The following SLC23A2 variants were observed in gnomAD, a reference collection of about 807,000 sequenced individuals.
The protein encoded by SLC23A2 is Na(+)/L-ascorbic acid transporter 2.
SLC23A2 carries 36 observed loss-of-function variants against 73.3 expected under a neutral mutation model. That is an observed-to-expected ratio of 0.49 (90% CI 0.38 to 0.65). The LOEUF (loss-of-function observed/expected upper bound fraction) is 0.65. Among genes scored for constraint, SLC23A2 ranks in the 30% least tolerant of loss-of-function variants. The pLI is 0.00. For synonymous variants in SLC23A2, 343 were observed against 327.3 expected, an observed-to-expected ratio of 1.05 and a Z score of -0.52; for missense variants, 507 against 841.6, an observed-to-expected ratio of 0.60 and a Z score of 4.92.
intron 1 of SLC23A2, among the ~76,000 whole-genome samples, chr20:4,993,548 T>C (rs2087967165): frequency 6.6e-6 from 1 of 151,458 alleles, no homozygotes; most frequent in South Asian, 2.1e-4. Context: ...AGCATCAACT[T>C]TACTCAAAGA....
intron 1 of SLC23A2, among the ~76,000 whole-genome samples, chr20:5,009,821 C>T (rs927725291): frequency 6.6e-6 from 1 of 152,110 alleles, no homozygotes; most frequent in African/African-American, 2.4e-5. Context: ...ATGGGCCAGG[C>T]GCGGTGGCTC....
chr20:4,861,784 C>T (rs142349034), intron 15 of SLC23A2, among the ~76,000 whole-genome samples, 164 bp downstream of exon 15: 25 of 152,294 alleles, frequency 1.6e-4, no homozygotes, highest in African/African-American at 5.5e-4. Flanking sequence ...GCCCACAGCG[C>T]TTCCAGGTAA....
intron 11 of SLC23A2, among the ~76,000 whole-genome samples, chr20:4,873,604 G>C (rs1300500389): frequency 6.6e-6 from 1 of 152,196 alleles, no homozygotes; most frequent in Non-Finnish European, 1.5e-5. Context: ...CTGGGACCAA[G>C]CAGCTCTATA....
At position 4,883,806 on chromosome 20, in the gene SLC23A2, G is replaced by A. The variant is rs768247956; in HGVS notation, c.660C>T (p.Ile220=). The stretch of plus-strand genomic sequence containing the variant: ...TGACTACTTCTATCAGTGAGGACAT[G>A]ATGATGGCCCCCTGGATCTGCAACA... ...PRIREIQGAI[I]MSSLIEVVIG... Residue 220 remains isoleucine (I), a synonymous_variant, in exon 9 of 17, where the codon ATC becomes ATT. Transcript: ENST00000338244. This position sits in a 1 kb window ranked among gnomAD's most constrained non-coding sequence, Gnocchi z 4.5. 1.9e-6 allele frequency: 3 copies of A among 1,610,316 alleles called. No individual in the cohort carries two copies. In the South Asian group the frequency reaches 3.3e-5, roughly 18 times the overall value.
chr20:4,892,246 A>G (rs1437861267), intron 6 of SLC23A2, among the ~76,000 whole-genome samples: 1 of 151,862 alleles, frequency 6.6e-6, no homozygotes, highest in Non-Finnish European at 1.5e-5. Flanking sequence ...TCACTGGTCT[A>G]CCTTATCTCG....
intron 4 of SLC23A2, among the ~76,000 whole-genome samples, chr20:4,908,217 C>G (rs1428642399): frequency 6.6e-6 from 1 of 152,034 alleles, no homozygotes; most frequent in African/African-American, 2.4e-5. Flanking sequence ...TTGAAAATGC[C>G]AGGAAAAACT....
At chr20:4,946,207 C>A (rs2087116825) in intron 2 of SLC23A2, among the ~76,000 whole-genome samples, 1 of 152,124 alleles carries the variant, frequency 6.6e-6, no homozygotes, top group Non-Finnish European at 1.5e-5. Context: ...GGTACCACTG[C>A]CAAGTTCCAT....
At chr20:4,972,807 G>GA (rs538294545) in intron 1 of SLC23A2, among the ~76,000 whole-genome samples, 72 of 151,290 alleles carry the variant, frequency 4.8e-4, no homozygotes, top group Non-Finnish European at 7.4e-4. Flanking sequence ...GGCTGGTCTT[G>GA]AACTCGACCT....
In SLC23A2 at chr20:4,862,146, C is replaced by A; in HGVS notation, c.1487-61G>T. 6.5e-7 allele frequency: 1 copy of A among 1,548,798 alleles called. No individual in the cohort carries two copies. Among genetic ancestry groups the A allele is most frequent in the Non-Finnish European group, 8.8e-7 (1 of 1,130,818 alleles). On this transcript the variant is annotated intron_variant, in intron 14 of 16. Transcript: ENST00000338244. This position sits in a 1 kb window ranked among gnomAD's most constrained non-coding sequence, Gnocchi z 5.1. ...CCACTACAGCGGGGACAGCTCAAGG[C>A]AGGTGAGGGCAGGCTCCCTGGCACC...
chr20:4,956,407 T>TA (rs2087288849), intron 2 of SLC23A2, among the ~76,000 whole-genome samples: 1 of 152,236 alleles, frequency 6.6e-6, no homozygotes, highest in Non-Finnish European at 1.5e-5. Flanking sequence ...CCTCTAGTGT[T>TA]ACGAAATCTA....
intron 9 of SLC23A2, among the ~76,000 whole-genome samples, chr20:4,878,943 T>A (rs1930766513): frequency 6.6e-6 from 1 of 152,184 alleles, no homozygotes; most frequent in African/African-American, 2.4e-5. Context: ...TTGGTATGGG[T>A]CCACATTATT....
chr20:4,955,885 T>C (rs575487611), intron 2 of SLC23A2, among the ~76,000 whole-genome samples: 1 of 152,202 alleles, frequency 6.6e-6, no homozygotes, highest in Non-Finnish European at 1.5e-5. Context: ...CTTATGGTGG[T>C]AATCTCTATA....
chr20:4,949,818 C>T (rs577615586), intron 2 of SLC23A2, among the ~76,000 whole-genome samples: 45 of 152,186 alleles, frequency 3.0e-4, no homozygotes, highest in Non-Finnish European at 5.9e-4. Flanking sequence ...ACTCATTCCC[C>T]AAAGCAGAAC....
intron 9 of SLC23A2, among the ~76,000 whole-genome samples, chr20:4,875,232 C>A (rs1930608178): frequency 6.6e-6 from 1 of 152,198 alleles, no homozygotes; most frequent in African/African-American, 2.4e-5. Flanking sequence ...CTACTTACAG[C>A]ACGCATAAAT....
chr20:4,919,448 TA>T (rs1414489919), intron 3 of SLC23A2, among the ~76,000 whole-genome samples: 1 of 152,144 alleles, frequency 6.6e-6, no homozygotes, highest in Non-Finnish European at 1.5e-5. Context: ...TGTCCCCCAG[TA>T]GGGCGACAAG....
At chr20:4,900,601 G>A (rs1458546343) in intron 5 of SLC23A2, among the ~76,000 whole-genome samples, 1 of 152,238 alleles carries the variant, frequency 6.6e-6, no homozygotes, top group Non-Finnish European at 1.5e-5. Context: ...TACGCATGGA[G>A]TGTTTTCTGT....
At chr20:4,962,219 G>A (rs1337195423) in intron 2 of SLC23A2, among the ~76,000 whole-genome samples, 1 of 151,156 alleles carries the variant, frequency 6.6e-6, no homozygotes, top group Non-Finnish European at 1.5e-5. Context: ...TTGTTATCTG[G>A]TTTCTCTCCA....
At chr20:4,923,175 G>A (rs1018886281) in intron 3 of SLC23A2, among the ~76,000 whole-genome samples, 34 of 151,566 alleles carry the variant, frequency 2.2e-4, no homozygotes, top group African/African-American at 8.2e-4. Flanking sequence ...GGGAGGCCAA[G>A]GTGGGAAGAC....
chr20:4,922,462 A>G (rs1932527732), intron 3 of SLC23A2, among the ~76,000 whole-genome samples: 2 of 152,196 alleles, frequency 1.3e-5, no homozygotes, highest in East Asian at 3.8e-4. Flanking sequence ...ATTTAGCAAG[A>G]GCAGAACAAA....
Sources: allele counts gnomAD v4.1 joint callset (sites outside exome capture counted in the v4.1 genomes callset), GRCh38; gene constraint gnomAD v4.1.1; non-coding constraint Gnocchi (gnomAD v3.1); transcripts MANE v1.5; gene names NCBI Gene and HGNC (gene_info 2026-07-23, HGNC 2026-07-21).